Variants in TATDN1 observed in about 807,000 individuals in gnomAD.
TATDN1 encodes the protein deoxyribonuclease TATDN1.
A neutral mutation model predicts 46.4 loss-of-function variants in TATDN1; 40 were observed. That is an observed-to-expected ratio of 0.86 (90% CI 0.67 to 1.12). The LOEUF is 1.12. TATDN1 is among the 50% of genes most tolerant of loss of function. TATDN1 has a pLI of 0.00. For missense variants in TATDN1, 326 were observed against 348.4 expected, an observed-to-expected ratio of 0.94 and a Z score of 0.51; for synonymous variants, 95 against 105.6, an observed-to-expected ratio of 0.90 and a Z score of 0.62.
chr8:124,490,180 T>G (rs1816844878), intron 11 of TATDN1: 1 of 152,260 alleles, frequency 6.6e-6, no homozygotes, highest in Non-Finnish European at 1.5e-5. Flanking sequence ...TTGCTAAGAT[T>G]ATATTGCATA....
rs1819422913 is a variant in TATDN1 at position 124,515,882 on chromosome 8, C to T, written c.346+5G>A. The stretch of plus-strand genomic sequence containing the variant: ...GTCACTCTAAGAGGCGAGGCTGGCA[C>T]TCACCAAGTCCGCATTCTCCTATTG... On this transcript the variant is annotated splice_donor_5th_base_variant and intron_variant, in intron 5 of 11. Coordinates refer to ENST00000276692, the MANE Select transcript of TATDN1 (RefSeq NM_032026.4). The T allele has an allele frequency of 6.2e-7, 1 of 1,613,904 alleles. No homozygotes were observed. The highest frequency in any genetic ancestry group is 1.7e-5 in the Admixed American group (1 of 59,990).
intron 9 of TATDN1, among the ~76,000 whole-genome samples, chr8:124,500,919 G>A (rs576837604): frequency 6.6e-6 from 1 of 152,232 alleles, no homozygotes; most frequent in Admixed American, 6.5e-5. Flanking sequence ...CTATGTGCCT[G>A]GAAAGAAAGA....
intron 11 of TATDN1, among the ~76,000 whole-genome samples, chr8:124,492,469 CTT>C (rs1301439895): frequency 2.0e-5 from 3 of 152,048 alleles, no homozygotes; most frequent in African/African-American, 7.2e-5. Context: ...CTCTAGTGTC[CTT>C]TTAGTTCCCC....
Position 124,493,973 on chromosome 8 carries a change from G to C in TATDN1, c.665-14C>G. ...ACCAAGGTGCATCTAGTTAAGCAAAGAAAGTGTCTCGTAAGGGGTTTACAT... is the reference window on the plus strand; with the variant it reads ...ACCAAGGTGCATCTAGTTAAGCAAACAAAGTGTCTCGTAAGGGGTTTACAT... On this transcript the variant is annotated splice_polypyrimidine_tract_variant and intron_variant, in intron 10 of 11. Transcript: ENST00000276692. 1 of 1,598,024 alleles carries C rather than the reference G, an allele frequency of 6.3e-7. No individual in the cohort carries two copies. The highest frequency in any genetic ancestry group is 8.5e-7 in the Non-Finnish European group (1 of 1,175,104).
chr8:124,516,238 A>G (rs1201458347), intron 4 of TATDN1, among the ~76,000 whole-genome samples: 2 of 152,180 alleles, frequency 1.3e-5, no homozygotes, highest in Non-Finnish European at 2.9e-5. Context: ...AATTGCTTTA[A>G]TGTATTAATA....
chr8:124,503,676 G>T (rs958992984), intron 9 of TATDN1, among the ~76,000 whole-genome samples: 11 of 152,184 alleles, frequency 7.2e-5, no homozygotes, highest in African/African-American at 2.4e-4. Flanking sequence ...CCTGTGAAAA[G>T]TCACTGGTAG....
intron 9 of TATDN1, among the ~76,000 whole-genome samples, chr8:124,496,911 A>C (rs949098748): frequency 6.6e-6 from 1 of 152,224 alleles, no homozygotes; most frequent in Non-Finnish European, 1.5e-5. Flanking sequence ...TCTTAAAAGG[A>C]AATTCCAGAT....
intron 9 of TATDN1, among the ~76,000 whole-genome samples, chr8:124,502,072 C>T (rs1301707883): frequency 3.3e-5 from 5 of 152,174 alleles, no homozygotes; most frequent in African/African-American, 9.7e-5. Flanking sequence ...TGGTGGCTCA[C>T]ACCTGTAATC....
chr8:124,499,252 T>C (rs1270027488), intron 9 of TATDN1, among the ~76,000 whole-genome samples: 2 of 152,168 alleles, frequency 1.3e-5, no homozygotes, highest in Non-Finnish European at 2.9e-5. Flanking sequence ...AAAATTCTTA[T>C]TTTCAGCCAG....
chr8:124,535,650 T>C (rs1586694094), intron 1 of TATDN1, among the ~76,000 whole-genome samples: 2 of 152,224 alleles, frequency 1.3e-5, no homozygotes, highest in Admixed American at 1.3e-4. Context: ...TCTGGAAAGA[T>C]AGACATGGTG....
At chr8:124,497,993 T>C (rs1817630537) in intron 9 of TATDN1, among the ~76,000 whole-genome samples, 1 of 152,246 alleles carries the variant, frequency 6.6e-6, no homozygotes, top group Admixed American at 6.5e-5. Context: ...TCTTATTCTT[T>C]TATGTTCTTT....
At chr8:124,528,854 T>C (rs1820722195) in intron 1 of TATDN1, among the ~76,000 whole-genome samples, 1 of 152,212 alleles carries the variant, frequency 6.6e-6, no homozygotes, top group Non-Finnish European at 1.5e-5. Flanking sequence ...CTTTATGGTA[T>C]GAGTTTATAG....
chr8:124,488,793 C>T (rs1168143092), intron 11 of TATDN1, 97 bp from the exon 12 acceptor site: 1 of 734,854 alleles, frequency 1.4e-6, no homozygotes, highest in African/African-American at 1.8e-5. Flanking sequence ...AATATTGGCA[C>T]ACCTTTAATA....
intron 6 of TATDN1, among the ~76,000 whole-genome samples, chr8:124,511,035 T>C (rs1586616872): frequency 6.6e-6 from 1 of 152,292 alleles, no homozygotes; most frequent in Middle Eastern, 3.4e-3. Context: ...AAACCCGCCA[T>C]GGTAACTAGA....
intron 9 of TATDN1, among the ~76,000 whole-genome samples, chr8:124,503,040 C>T (rs1434352501): frequency 1.3e-5 from 2 of 152,138 alleles, no homozygotes; most frequent in African/African-American, 4.8e-5. Flanking sequence ...ACTTGAAACC[C>T]TCTCATACTT....
intron 9 of TATDN1, among the ~76,000 whole-genome samples, chr8:124,502,116 C>G (rs886751573): frequency 6.6e-6 from 1 of 152,024 alleles, no homozygotes; most frequent in South Asian, 2.1e-4. Context: ...GGGCAGATCA[C>G]GAGGTCAGGA....
intron 11 of TATDN1, among the ~76,000 whole-genome samples, chr8:124,491,868 T>C (rs1200838301): frequency 2.0e-5 from 3 of 152,198 alleles, no homozygotes; most frequent in East Asian, 1.9e-4. Context: ...GATTAGAGGA[T>C]TGTGTATTTT....
chr8:124,521,818 T>C (rs1380450789), intron 3 of TATDN1: 2 of 183,402 alleles, frequency 1.1e-5, no homozygotes, highest in Admixed American at 1.2e-4. Context: ...TTTTTGATTA[T>C]TGCTTAATTC....
intron 11 of TATDN1, 81 bp from the exon 12 acceptor site, chr8:124,488,777 A>C: frequency 1.2e-6 from 1 of 843,862 alleles, no homozygotes; most frequent in South Asian, 1.5e-5. Flanking sequence ...TTTCCACACA[A>C]AGGAAAATAT....
Sources: gnomAD v4.1 joint callset for allele counts (sites outside exome capture counted in the v4.1 genomes callset) on GRCh38, gnomAD v4.1.1 for gene constraint, MANE v1.5 for transcripts, NCBI Gene and HGNC (gene_info 2026-07-23, HGNC 2026-07-21) for gene names.